DDX10: variants seen among roughly 807,000 people sequenced by gnomAD.
The protein encoded by DDX10 is probable ATP-dependent RNA helicase DDX10.
A neutral mutation model predicts 104.3 loss-of-function variants in DDX10; 74 were observed. The observed-to-expected ratio is 0.71, with a 90% confidence interval of 0.59 to 0.86. The LOEUF (loss-of-function observed/expected upper bound fraction) is 0.86. DDX10 is among the 40% of genes least tolerant of loss of function. The pLI is 0.00. For synonymous variants in DDX10, 351 were observed against 353.4 expected (o/e 0.99, Z 0.08); for missense variants, 952 against 1,040.0 (o/e 0.92, Z 1.16).
intron 13 of DDX10, among the ~76,000 whole-genome samples, chr11:108,751,020 G>C (rs562539752): frequency 7.9e-6 from 1 of 126,650 alleles, no homozygotes; most frequent in Non-Finnish European, 1.6e-5. Context: ...GGCTTCAAGC[G>C]ACCCTCCTGC....
intron 16 of DDX10, among the ~76,000 whole-genome samples, chr11:108,905,364 T>A (rs902814659): frequency 2.9e-5 from 3 of 103,772 alleles, no homozygotes; most frequent in African/African-American, 1.0e-4. Context: ...TGAAGTTTCC[T>A]CTATATATGT....
At chr11:108,788,939 C>T (rs929872062) in intron 13 of DDX10, among the ~76,000 whole-genome samples, 4 of 152,180 alleles carry the variant, frequency 2.6e-5, no homozygotes, top group Non-Finnish European at 5.9e-5. Flanking sequence ...TCCATGCCCA[C>T]ATTTCCTTTG....
intron 13 of DDX10, among the ~76,000 whole-genome samples, chr11:108,795,955 G>A (rs1371723060): frequency 2.0e-5 from 3 of 152,130 alleles, no homozygotes; most frequent in African/African-American, 7.2e-5. Context: ...TTACACTTGT[G>A]GGAGGGTTTT....
chr11:108,727,278 T>C (rs2094306453), intron 13 of DDX10, among the ~76,000 whole-genome samples: 1 of 152,108 alleles, frequency 6.6e-6, no homozygotes, highest in Non-Finnish European at 1.5e-5. Flanking sequence ...TGAATATTAA[T>C]AATTTATATC....
chr11:108,920,884 A>G (rs1388171629), intron 17 of DDX10: 1 of 152,268 alleles, frequency 6.6e-6, no homozygotes, highest in Admixed American at 6.5e-5. Flanking sequence ...ATGTCTTCAG[A>G]CATGGCAGGT....
At chr11:108,688,237 TATTA>T (rs1378001163) in intron 6 of DDX10, among the ~76,000 whole-genome samples, 1 of 152,226 alleles carries the variant, frequency 6.6e-6, no homozygotes, top group African/African-American at 2.4e-5. Flanking sequence ...AAAGTAGGTT[TATTA>T]ATTCAAAGAG....
chr11:108,704,530 G>A (rs1397153718), intron 9 of DDX10, among the ~76,000 whole-genome samples: 2 of 152,166 alleles, frequency 1.3e-5, no homozygotes, highest in South Asian at 2.1e-4. Flanking sequence ...TGGAGTGTGA[G>A]AGCTTCAGAA....
chr11:108,709,137 G>A (rs1052617567), intron 10 of DDX10, among the ~76,000 whole-genome samples: 14 of 152,166 alleles, frequency 9.2e-5, no homozygotes, highest in African/African-American at 3.4e-4. Flanking sequence ...GGACAGCAGT[G>A]GTGAGAGGGG....
At chr11:108,850,068 T>A (rs992134375) in intron 15 of DDX10, among the ~76,000 whole-genome samples, 1 of 152,160 alleles carries the variant, frequency 6.6e-6, no homozygotes, top group East Asian at 1.9e-4. Flanking sequence ...TTCTAATGAT[T>A]CACTTCAAAT....
intron 16 of DDX10, among the ~76,000 whole-genome samples, chr11:108,896,394 C>T (rs1346534740): frequency 6.6e-6 from 1 of 150,960 alleles, no homozygotes; most frequent in Non-Finnish European, 1.5e-5. Flanking sequence ...TTTAACTGTA[C>T]TCTCTAGGCT....
chr11:108,774,393 C>G (rs987578560), intron 13 of DDX10, among the ~76,000 whole-genome samples: 4 of 152,146 alleles, frequency 2.6e-5, no homozygotes, highest in Non-Finnish European at 5.9e-5. Context: ...TTGCTGTTAT[C>G]TTTTTGTCCT....
chr11:108,753,542 GT>G (rs2134507687), intron 13 of DDX10, among the ~76,000 whole-genome samples: 1 of 152,084 alleles, frequency 6.6e-6, no homozygotes, highest in South Asian at 2.1e-4. Context: ...TGTCCATCGT[GT>G]TTTCATGGGT....
chr11:108,758,438 T>G (rs185676067), intron 13 of DDX10, among the ~76,000 whole-genome samples: 55 of 152,166 alleles, frequency 3.6e-4, no homozygotes, highest in Non-Finnish European at 7.4e-5. Flanking sequence ...GGGATTGTAT[T>G]AGTTTTCTGT....
At chr11:108,870,268 G>A (rs1341159583) in intron 16 of DDX10, among the ~76,000 whole-genome samples, 1 of 152,096 alleles carries the variant, frequency 6.6e-6, no homozygotes, top group Non-Finnish European at 1.5e-5. Context: ...TAACTAGTCT[G>A]CTAGTCTTCT....
intron 16 of DDX10, among the ~76,000 whole-genome samples, chr11:108,903,647 A>G (rs11212805): frequency 0.054 from 8,157 of 152,212 alleles, 305 homozygotes; most frequent in Non-Finnish European, 0.086. Context: ...CATAGGTTAT[A>G]TGCATATATC....
intron 16 of DDX10, among the ~76,000 whole-genome samples, chr11:108,877,046 G>T (rs919588570): frequency 2.0e-5 from 3 of 152,086 alleles, no homozygotes; most frequent in African/African-American, 7.2e-5. Flanking sequence ...GAGAACAAAA[G>T]GCCAAAGCTT....
intron 13 of DDX10, among the ~76,000 whole-genome samples, chr11:108,784,430 G>A (rs1861759373): frequency 6.6e-6 from 1 of 152,098 alleles, no homozygotes; most frequent in Non-Finnish European, 1.5e-5. Context: ...ACAAGGTCTT[G>A]CTTTGTTGCC....
At chr11:108,689,350 TTATAATC>T (rs2094248945) in intron 7 of DDX10, among the ~76,000 whole-genome samples, 1 of 152,192 alleles carries the variant, frequency 6.6e-6, no homozygotes, top group Non-Finnish European at 1.5e-5. Context: ...GCAGAGGTCT[TTATAATC>T]TGATACCTCC....
intron 16 of DDX10, among the ~76,000 whole-genome samples, chr11:108,898,753 C>T (rs552409232): frequency 6.6e-6 from 1 of 151,934 alleles, no homozygotes; most frequent in African/African-American, 2.4e-5. Flanking sequence ...GAAATACTTA[C>T]ACTCTTGCTA....
Sources: gnomAD v4.1 joint callset for allele counts (sites outside exome capture counted in the v4.1 genomes callset) on GRCh38, gnomAD v4.1.1 for gene constraint, MANE v1.5 for transcripts, NCBI Gene and HGNC (gene_info 2026-07-23, HGNC 2026-07-21) for gene names.